PCDHGA2: variants seen among roughly 807,000 people sequenced by gnomAD.
The protein encoded by PCDHGA2 is protocadherin gamma-A2.
In PCDHGA2, 40 loss-of-function variants were observed where a neutral mutation model predicts 59.2. That is an observed-to-expected ratio of 0.68 (90% CI 0.52 to 0.88). The LOEUF (loss-of-function observed/expected upper bound fraction) is 0.88, where lower values mean the gene tolerates loss of function less well. Among genes scored for constraint, PCDHGA2 ranks in the 40% least tolerant of loss-of-function variants. PCDHGA2 has a pLI of 0.00. For missense variants in PCDHGA2, 1,226 were observed against 1,204.0 expected, an observed-to-expected ratio of 1.02 and a Z score of -0.27; for synonymous variants, 560 against 526.0, an observed-to-expected ratio of 1.06 and a Z score of -0.89.
chr5:141,511,641 A>C lies in PCDHGA2; in HGVS notation c.*468A>C. On this transcript the variant is annotated 3_prime_UTR_variant, in exon 4 of 4. Transcript: ENST00000394576. ...TCTGAAAAGTTGGAAGGGCATCATG[A>C]CCTCTTGGCCTCTCCTTTGATTCTC... 1 of 224,930 alleles carries C rather than the reference A, an allele frequency of 4.4e-6. No homozygotes were observed. The allele number at this position is 224,930 out of a possible 1,614,324, so 13.9% of individuals were successfully genotyped here. A position where few individuals can be genotyped will look rare whatever the true frequency, so the allele number is the denominator to read the frequency against.
chr5:141,349,975 A>G (rs1235992269), intron 1 of PCDHGA2: 1 of 290,620 alleles, frequency 3.4e-6, no homozygotes, highest in Non-Finnish European at 6.3e-6. Context: ...ACATAGATTC[A>G]AGAGGTTGCG....
At chr5:141,420,073 G>A (rs2096463936) in intron 1 of PCDHGA2, 23 of 1,613,964 alleles carry the variant, frequency 1.4e-5, no homozygotes, top group Non-Finnish European at 1.9e-5. Context: ...CCGGACCTGT[G>A]GGTCCCCCCA....
chr5:141,491,662 A>C lies in PCDHGA2; in HGVS notation c.2425-3145A>C. 2 of 1,613,770 alleles carry C rather than the reference A, an allele frequency of 1.2e-6. No homozygotes were observed. The highest frequency in any genetic ancestry group is 1.7e-6 in the Non-Finnish European group (2 of 1,180,018). ...AGCTCTGGCGCTGGAGCCTGACGCC[A>C]TCCGGTCCCGCTCTAATACGCTGCG... On this transcript the variant is annotated intron_variant, in intron 1 of 3. Coordinates refer to ENST00000394576, the MANE Select transcript of PCDHGA2 (RefSeq NM_018915.4). This position sits in a 1 kb window ranked among gnomAD's most constrained non-coding sequence, Gnocchi z 6.9.
intron 1 of PCDHGA2, among the ~76,000 whole-genome samples, chr5:141,353,480 T>G (rs1305148453): frequency 6.6e-6 from 1 of 152,226 alleles, no homozygotes; most frequent in Non-Finnish European, 1.5e-5. Flanking sequence ...ATTAAGACTC[T>G]TAACACTTTG....
chr5:141,418,079 C>A, intron 1 of PCDHGA2: 1 of 1,614,048 alleles, frequency 6.2e-7, no homozygotes, highest in Non-Finnish European at 8.5e-7. Context: ...GGAGAAGCTG[C>A]ACTTCAGCGT....
chr5:141,371,232 G>C, intron 1 of PCDHGA2: 4 of 1,614,036 alleles, frequency 2.5e-6, no homozygotes, highest in Non-Finnish European at 3.4e-6. Flanking sequence ...AATCATCTAT[G>C]CCTTCATCAA....
chr5:141,385,870 A>G (rs2150302172), intron 1 of PCDHGA2: 1 of 153,178 alleles, frequency 6.5e-6, no homozygotes, highest in African/African-American at 2.4e-5. Flanking sequence ...AGAAGGTTGG[A>G]TTTATGCCTA....
chr5:141,340,732 G>T lies in PCDHGA2; in HGVS notation c.1761G>T (p.Leu587=). The T allele has an allele frequency of 6.2e-7, 1 of 1,614,074 alleles. No homozygotes were observed. The highest frequency in any genetic ancestry group is 8.5e-7 in the Non-Finnish European group (1 of 1,180,028). Residue 587 remains leucine (L), a synonymous_variant, in exon 1 of 4, where the codon CTG becomes CTT. Coordinates refer to ENST00000394576, the MANE Select transcript of PCDHGA2 (RefSeq NM_018915.4). ...CCCGCTCCGCAGAGCCCGGCTACCT[G>T]GTGACCAAGGTGGTGGCGGTGGACA... ...LAPRSAEPGY[L]VTKVVAVDRD... is the part of the protein sequence containing the mutation.
At chr5:141,423,577 G>T (rs1348410879) in intron 1 of PCDHGA2, 1 of 1,613,478 alleles carries the variant, frequency 6.2e-7, no homozygotes, top group Admixed American at 1.7e-5. Flanking sequence ...CATCAGCCAG[G>T]AGAGCTGTGA....
intron 1 of PCDHGA2, chr5:141,345,320 C>T: frequency 6.2e-7 from 1 of 1,613,966 alleles, no homozygotes; most frequent in Non-Finnish European, 8.5e-7. Flanking sequence ...ATGGGGGAAG[C>T]CCGCCACTGT....
intron 1 of PCDHGA2, chr5:141,372,771 A>G: frequency 6.2e-7 from 1 of 1,610,980 alleles, no homozygotes. Context: ...AAGTAATGAC[A>G]ATCCAGAAAT....
intron 1 of PCDHGA2, chr5:141,365,269 A>T: frequency 6.2e-7 from 1 of 1,614,008 alleles, no homozygotes; most frequent in Non-Finnish European, 8.5e-7. Flanking sequence ...AAGAATCCAG[A>T]TTCTACCTCA....
chr5:141,384,553 G>A (rs756336021), intron 1 of PCDHGA2: 3 of 1,614,152 alleles, frequency 1.9e-6, no homozygotes, highest in Admixed American at 1.7e-5. Context: ...GAGCCTGTTC[G>A]TGCTGGACCA....
chr5:141,492,072 C>G (rs2099736816), intron 1 of PCDHGA2: 2 of 480,040 alleles, frequency 4.2e-6, no homozygotes, highest in East Asian at 3.3e-5. Context: ...TCCTAGGCGC[C>G]GGCTCCGGCA....
At chr5:141,437,741 C>CT (rs35124340) in intron 1 of PCDHGA2, among the ~76,000 whole-genome samples, 18,734 of 141,656 alleles carry the variant, frequency 0.13, 1,459 homozygotes, top group African/African-American at 0.22. Context: ...TTGAGTTCAC[C>CT]TTTTTTTTTT....
intron 1 of PCDHGA2, among the ~76,000 whole-genome samples, chr5:141,467,571 A>T (rs1228156610): frequency 6.6e-6 from 1 of 152,212 alleles, no homozygotes; most frequent in African/African-American, 2.4e-5. Context: ...ATGGCTATCC[A>T]GTTGTCCCAA....
At position 141,340,114 on chromosome 5, in the gene PCDHGA2, C is replaced by T; in HGVS notation, c.1143C>T (p.Phe381=). The T allele has an allele frequency of 6.2e-7, 1 of 1,614,082 alleles. No individual in the cohort carries two copies. The highest frequency in any genetic ancestry group is 8.5e-7 in the Non-Finnish European group (1 of 1,179,944). ...VHDRDSGQNA[F]TTCSLPEDLP... is the part of the protein sequence containing the mutation. ...ATAGAGACTCTGGGCAGAACGCATT[C>T]ACCACCTGTTCACTCCCCGAGGATC... Residue 381 remains phenylalanine (F), a synonymous_variant, in exon 1 of 4, where the codon TTC becomes TTT. Coordinates refer to ENST00000394576, the MANE Select transcript of PCDHGA2 (RefSeq NM_018915.4).
rs1223431294 is a variant in PCDHGA2, at chr5:141,490,280, C to T, written c.2425-4527C>T. ...GATGTGGGGGATGTCAATGACAATG[C>T]CCCAGAGGTGCTATTGGCCTCTTTG... On this transcript the variant is annotated intron_variant, in intron 1 of 3. Transcript: ENST00000394576. The surrounding 1 kb of genome is among the most constrained non-coding windows in gnomAD (Gnocchi z 5.4). The T allele has an allele frequency of 5.6e-6, 9 of 1,614,216 alleles. No individual in the cohort carries two copies. In the East Asian group the frequency reaches 1.8e-4, roughly 32 times the overall value.
intron 1 of PCDHGA2, chr5:141,351,572 A>ATC (rs773449391): frequency 6.8e-6 from 11 of 1,614,024 alleles, no homozygotes; most frequent in Non-Finnish European, 9.3e-6. Context: ...CACCCTGCAC[A>ATC]TCTCCGACAT....
Sources: gnomAD v4.1 joint callset for allele counts (sites outside exome capture counted in the v4.1 genomes callset) on GRCh38, gnomAD v4.1.1 for gene constraint, Gnocchi (gnomAD v3.1) non-coding constraint, MANE v1.5 for transcripts, NCBI Gene and HGNC (gene_info 2026-07-23, HGNC 2026-07-21) for gene names.